The following MASTL variants were observed in gnomAD, a reference collection of about 807,000 sequenced individuals.
The protein encoded by MASTL is serine/threonine-protein kinase greatwall.
Under a neutral mutation model 82.5 loss-of-function variants are expected in MASTL, and 54 were observed. That is an observed-to-expected ratio of 0.65 (90% CI 0.53 to 0.82). MASTL has a LOEUF of 0.82. Among genes scored for constraint, MASTL ranks in the 40% least tolerant of loss-of-function variants. MASTL has a pLI of 0.00. For synonymous variants in MASTL, 323 were observed against 368.9 expected (o/e 0.88, Z 1.43); for missense variants, 950 against 1,047.8 (o/e 0.91, Z 1.29).
chr10:27,161,134 C>T lies in MASTL; in HGVS notation c.505C>T (p.His169Tyr). The change falls in exon 4 of 12, where the codon CAT becomes TAT. Residue 169 changes from histidine (H) to tyrosine (Y), a missense_variant. Coordinates refer to ENST00000375940, the MANE Select transcript of MASTL (RefSeq NM_001172303.3). ...PDNMLISNEG[H>Y]IKLTDFGLSK... Reference sequence around the variant, plus strand: ...CAATATGCTTATTTCTAATGAGGGTCATATTAAACTGACGGATTTTGGCCT... The same window carrying T: ...CAATATGCTTATTTCTAATGAGGGTTATATTAAACTGACGGATTTTGGCCT... 6.2e-7 allele frequency: 1 copy of T among 1,612,864 alleles called. No individual in the cohort carries two copies. Among genetic ancestry groups the T allele is most frequent in the Non-Finnish European group, 8.5e-7 (1 of 1,179,016 alleles).
At chr10:27,167,316 T>C (rs747711311) in intron 7 of MASTL, 42 bp downstream of exon 7, 1 of 1,503,962 alleles carries the variant, frequency 6.6e-7, no homozygotes, top group Non-Finnish European at 9.3e-7. Context: ...ATTATGTATG[T>C]CAAATGAATG....
chr10:27,156,194 C>G (rs3758404), intron 1 of MASTL, among the ~76,000 whole-genome samples: 11,416 of 131,586 alleles, frequency 0.087, 499 homozygotes, highest in East Asian at 0.19. Context: ...TTAGTAGAGA[C>G]GGGGTTTCTT....
chr10:27,185,149 A>G (rs1557169), intron 11 of MASTL, among the ~76,000 whole-genome samples: 91,792 of 151,984 alleles, frequency 0.6, 28,011 homozygotes, highest in Non-Finnish European at 0.65. Context: ...GAAAGGGAGA[A>G]GGGGGTGAGC....
chr10:27,184,252 G>A (rs1196366165), intron 11 of MASTL, among the ~76,000 whole-genome samples: 1 of 152,182 alleles, frequency 6.6e-6, no homozygotes, highest in East Asian at 1.9e-4. Context: ...GTGATGGCAC[G>A]AGACTTCTTT....
chr10:27,178,560 C>G (rs1327710403), intron 9 of MASTL, among the ~76,000 whole-genome samples: 1 of 151,922 alleles, frequency 6.6e-6, no homozygotes. Flanking sequence ...CAAATCTGTT[C>G]TTTTTCTGTG....
Position 27,155,430 on chromosome 10 carries a change from G to A in MASTL, c.4G>A (p.Asp2Asn), listed in dbSNP as rs1178006964. 1 of 1,608,890 alleles carries A rather than the reference G, an allele frequency of 6.2e-7. No homozygotes were observed. Among genetic ancestry groups the A allele is most frequent in the East Asian group, 2.2e-5 (1 of 44,688 alleles). Residue 2 changes from aspartate (D) to asparagine (N), a missense_variant, in exon 1 of 12, where the codon GAT (aspartate) becomes AAT (asparagine). By Grantham distance (23) the Asp-to-Asn change is conservative (BLOSUM62 1). Transcript: ENST00000375940. M[D>N]PTAGSKKEPG... is the part of the protein sequence containing the mutation. ...GGCCGCTGTATGCTGTCCAGCGATGGATCCCACCGCGGGAAGCAAGAAGGA... is the reference window on the plus strand; with the variant it reads ...GGCCGCTGTATGCTGTCCAGCGATGAATCCCACCGCGGGAAGCAAGAAGGA...
chr10:27,160,982 T>G (rs976767348), intron 3 of MASTL, 112 bp from the exon 4 acceptor site: 1 of 745,966 alleles, frequency 1.3e-6, no homozygotes, highest in Admixed American at 2.1e-5. Context: ...GTATCTTTAT[T>G]TTGGAGGAAA....
intron 5 of MASTL, 107 bp downstream of exon 5, chr10:27,165,277 C>G: frequency 2.9e-6 from 4 of 1,393,188 alleles, no homozygotes; most frequent in Non-Finnish European, 4.1e-6. Flanking sequence ...AAATATCAAG[C>G]ATTTGGATTT....
At chr10:27,176,366 CGG>C (rs2058101438) in intron 9 of MASTL, among the ~76,000 whole-genome samples, 1 of 152,080 alleles carries the variant, frequency 6.6e-6, no homozygotes, top group South Asian at 2.1e-4. Context: ...TCATTGCCAC[CGG>C]ATTTTTCTTC....
intron 9 of MASTL, among the ~76,000 whole-genome samples, chr10:27,173,883 T>G (rs2058025554): frequency 6.6e-6 from 1 of 151,952 alleles, no homozygotes; most frequent in East Asian, 1.9e-4. Flanking sequence ...CCGGCCTATC[T>G]TACCTCTTAA....
rs543289755 is a variant in MASTL, at chr10:27,175,086, T to G, written c.2266+1827T>G. ...AGTTTCCACCCTTGTCTCCCCAACATTGCCTAACTTCTCAAAGGTTTCCTC... is the reference window on the plus strand; with the variant it reads ...AGTTTCCACCCTTGTCTCCCCAACAGTGCCTAACTTCTCAAAGGTTTCCTC... On this transcript the variant is annotated intron_variant, in intron 9 of 11. Transcript: ENST00000375940. Among the ~76,000 whole-genome samples the G allele has an allele frequency of 1.1e-4, 16 of 152,190 alleles. No individual in the cohort carries two copies. In the South Asian group the frequency reaches 3.3e-3, roughly 32 times the overall value.
At chr10:27,172,583 G>A (rs1174235848) in intron 8 of MASTL, among the ~76,000 whole-genome samples, 3 of 152,128 alleles carry the variant, frequency 2.0e-5, no homozygotes, top group African/African-American at 7.2e-5. Flanking sequence ...GAACCTGGGA[G>A]GCGGAGGTTG....
chr10:27,178,081 A>G (rs7079885), intron 9 of MASTL, among the ~76,000 whole-genome samples: 91,711 of 151,994 alleles, frequency 0.6, 27,980 homozygotes, highest in Non-Finnish European at 0.65. Context: ...TATAACAGAA[A>G]AAATAGTATT....
At position 27,155,352 on chromosome 10, in the gene MASTL, A is replaced by G. The variant is rs1341928819; in HGVS notation, c.-75A>G. On this transcript the variant is annotated 5_prime_UTR_variant, in exon 1 of 12. Transcript: ENST00000375940. ...CCGCGCGCGGCGTGGGCGGAGCCTC[A>G]CTTTGAACCCAGTTGGCGGGAGTGG... 9 of 1,445,664 alleles carry G rather than the reference A, an allele frequency of 6.2e-6. No individual in the cohort carries two copies. The highest frequency in any genetic ancestry group is 7.5e-6 in the Non-Finnish European group (8 of 1,072,754). 89.6% of individuals were successfully genotyped at this position (1,445,664 alleles called of 1,614,324 possible).
intron 1 of MASTL, among the ~76,000 whole-genome samples, chr10:27,158,155 A>C (rs1371925589): frequency 1.3e-5 from 2 of 152,194 alleles, no homozygotes; most frequent in East Asian, 3.8e-4. Flanking sequence ...TAAGGTCCAC[A>C]TGACATCTAT....
chr10:27,156,033 C>G lies in MASTL; in HGVS notation c.186+421C>G, dbSNP rs192751458. Among the ~76,000 whole-genome samples the G allele has an allele frequency of 1.4e-3, 217 of 152,198 alleles. 1 individual carries two copies. Among genetic ancestry groups the G allele is most frequent in the Non-Finnish European group, 2.8e-3 (187 of 67,998 alleles). On this transcript the variant is annotated intron_variant, in intron 1 of 11. Coordinates refer to ENST00000375940, the MANE Select transcript of MASTL (RefSeq NM_001172303.3). The stretch of plus-strand genomic sequence containing the variant: ...TTTTTATTTTTTTTTGAGGCGGAGT[C>G]TTGCTCTGTTTCCCAGGCTGGAGTG...
At chr10:27,160,098 C>G (rs2057517793) in intron 3 of MASTL, among the ~76,000 whole-genome samples, 1 of 149,030 alleles carries the variant, frequency 6.7e-6, no homozygotes, top group African/African-American at 2.5e-5. Flanking sequence ...GGGGCTCAAG[C>G]AATCCCCCTG....
chr10:27,161,873 A>G (rs2057584693), intron 4 of MASTL, among the ~76,000 whole-genome samples: 2 of 152,228 alleles, frequency 1.3e-5, no homozygotes, highest in African/African-American at 4.8e-5. Flanking sequence ...TTAATAACTG[A>G]AAACATATTC....
intron 7 of MASTL, among the ~76,000 whole-genome samples, chr10:27,169,220 A>T (rs1344103224): frequency 6.6e-6 from 1 of 152,058 alleles, no homozygotes; most frequent in Non-Finnish European, 1.5e-5. Context: ...TTAGGTCTAT[A>T]ATTTTTCATT....
Sources: gnomAD v4.1 joint callset for allele counts (sites outside exome capture counted in the v4.1 genomes callset) on GRCh38, gnomAD v4.1.1 for gene constraint, MANE v1.5 for transcripts, NCBI Gene and HGNC (gene_info 2026-07-23, HGNC 2026-07-21) for gene names.